The following PCDHA1 variants were observed in gnomAD, a reference collection of about 807,000 sequenced individuals.
PCDHA1 encodes the protein protocadherin alpha 1.
PCDHA1 carries 42 observed loss-of-function variants against 61.3 expected under a neutral mutation model. The observed-to-expected ratio is 0.69, with a 90% confidence interval of 0.54 to 0.89. PCDHA1 has a LOEUF of 0.89. PCDHA1 is among the 40% of genes least tolerant of loss of function. PCDHA1 has a pLI of 0.00. For synonymous variants in PCDHA1, 610 were observed against 553.8 expected (o/e 1.10, Z -1.43); for missense variants, 1,256 against 1,235.3 (o/e 1.02, Z -0.25).
intron 1 of PCDHA1, chr5:140,883,940 G>T: frequency 6.2e-7 from 1 of 1,613,412 alleles, no homozygotes; most frequent in Non-Finnish European, 8.5e-7. Flanking sequence ...CGTGCTGGAC[G>T]AGAACGACAA....
intron 3 of PCDHA1, among the ~76,000 whole-genome samples, chr5:141,007,300 T>C (rs185284872): frequency 6.6e-6 from 1 of 151,058 alleles, no homozygotes; most frequent in Admixed American, 6.6e-5. Context: ...CCTGTAATCT[T>C]AGCATTTTGG....
At chr5:140,823,776 G>A (rs1013042375) in intron 1 of PCDHA1, 3 of 1,613,732 alleles carry the variant, frequency 1.9e-6, no homozygotes, top group Non-Finnish European at 2.5e-6. Flanking sequence ...TGCTGGTGTC[G>A]CTGGTGGAAA....
chr5:140,938,463 T>C (rs1399110046), intron 1 of PCDHA1, among the ~76,000 whole-genome samples: 1 of 152,216 alleles, frequency 6.6e-6, no homozygotes, highest in Non-Finnish European at 1.5e-5. Flanking sequence ...GTTTTTTAAT[T>C]TATTATGTTT....
intron 1 of PCDHA1, chr5:140,968,207 A>C: frequency 6.2e-7 from 1 of 1,614,000 alleles, no homozygotes; most frequent in Non-Finnish European, 8.5e-7. Context: ...CATACAGGAG[A>C]ACAATTTGCC....
At chr5:140,843,577 A>T in intron 1 of PCDHA1, 1 of 1,595,954 alleles carries the variant, frequency 6.3e-7, no homozygotes. Context: ...CATACTCGCA[A>T]CAACAGCCGC....
At chr5:140,822,552 A>G (rs2150117268) in intron 1 of PCDHA1, 1 of 1,613,382 alleles carries the variant, frequency 6.2e-7, no homozygotes, top group Non-Finnish European at 8.5e-7. Context: ...GTGGGACATT[A>G]GTTATTAAAC....
chr5:140,970,193 G>C (rs1243334467), intron 1 of PCDHA1, among the ~76,000 whole-genome samples: 2 of 152,166 alleles, frequency 1.3e-5, no homozygotes, highest in African/African-American at 4.8e-5. Context: ...ATTGTAAGAG[G>C]ATTTCCCTGA....
chr5:140,796,534 G>A (rs1581620917), intron 1 of PCDHA1: 2 of 1,612,788 alleles, frequency 1.2e-6, no homozygotes, highest in African/African-American at 1.3e-5. Context: ...GCAGCCGCTG[G>A]ACCACGAGGA....
rs2150114188 is a variant in PCDHA1, at chr5:140,822,162, G to T, written c.2394+33478G>T. The T allele has an allele frequency of 7.4e-6, 12 of 1,614,112 alleles. No individual in the cohort carries two copies. In the East Asian group the frequency reaches 2.4e-4, roughly 33 times the overall value. On this transcript the variant is annotated intron_variant, in intron 1 of 3. Coordinates refer to ENST00000504120, the MANE Select transcript of PCDHA1 (RefSeq NM_018900.4). ...CAGTGAAGGACATCAATGACAATCC[G>T]CCCAGGTTCTCCAGACAAGAACAAA... is the stretch of plus-strand genomic sequence containing the variant.
intron 1 of PCDHA1, chr5:140,930,231 A>C (rs1234850185): frequency 6.6e-6 from 1 of 152,238 alleles, no homozygotes; most frequent in South Asian, 2.1e-4. Context: ...TGCACTTACC[A>C]TCCAAAGTCC....
chr5:140,858,262 G>A lies in PCDHA1; in HGVS notation c.2394+69578G>A. On this transcript the variant is annotated intron_variant, in intron 1 of 3. Coordinates refer to ENST00000504120, the MANE Select transcript of PCDHA1 (RefSeq NM_018900.4). Reference sequence around the variant, plus strand: ...GTGGGCCGGTGAAGCCCACGCTGGTGTGCTCTAGCGCGGTGGGGAGCTGGT... The same window carrying A: ...GTGGGCCGGTGAAGCCCACGCTGGTATGCTCTAGCGCGGTGGGGAGCTGGT... 2 of 1,597,236 alleles carry A rather than the reference G, an allele frequency of 1.3e-6. 1 individual carries two copies.
chr5:140,876,408 G>C (rs781814727), intron 1 of PCDHA1: 1 of 1,613,942 alleles, frequency 6.2e-7, no homozygotes, highest in South Asian at 1.1e-5. Flanking sequence ...ATTTTGAAGA[G>C]AATAATGCCT....
Position 140,792,011 on chromosome 5 carries a change from T to C in PCDHA1, c.2394+3327T>C, listed in dbSNP as rs149505237. ...ACAAATTACCACAGACTTGGTGGCTTGAAATAACAGAAATTTATTTTCTTA... is the reference window on the plus strand; with the variant it reads ...ACAAATTACCACAGACTTGGTGGCTCGAAATAACAGAAATTTATTTTCTTA... On this transcript the variant is annotated intron_variant, in intron 1 of 3. Coordinates refer to ENST00000504120, the MANE Select transcript of PCDHA1 (RefSeq NM_018900.4). Among the ~76,000 whole-genome samples, 821 of 152,282 alleles carry C rather than the reference T, an allele frequency of 5.4e-3. 6 individuals are homozygous for C. Among genetic ancestry groups the C allele is most frequent in the African/African-American group, 0.019 (790 of 41,562 alleles).
intron 1 of PCDHA1, chr5:140,797,402 A>T (rs1554120426): frequency 3.2e-6 from 5 of 1,547,410 alleles, no homozygotes; most frequent in Admixed American, 3.5e-5. Context: ...CTTTTTAAAA[A>T]ATTCTATATG....
At chr5:140,808,476 G>C (rs1554124581) in intron 1 of PCDHA1, 1 of 1,614,058 alleles carries the variant, frequency 6.2e-7, no homozygotes, top group Non-Finnish European at 8.5e-7. Context: ...GCGCGAGACG[G>C]GGGCTCGCCT....
chr5:140,837,979 T>G (rs1775353810), intron 1 of PCDHA1, among the ~76,000 whole-genome samples: 1 of 151,792 alleles, frequency 6.6e-6, no homozygotes, highest in Non-Finnish European at 1.5e-5. Flanking sequence ...ACACCCAGCC[T>G]GCCTTTCATC....
chr5:140,794,741 A>C, intron 1 of PCDHA1: 1 of 507,136 alleles, frequency 2.0e-6, no homozygotes, highest in South Asian at 4.6e-5. Flanking sequence ...CAGAAAATCG[A>C]CTAGTTTTAA....
At chr5:141,001,122 TAAAC>T (rs1274933487) in intron 3 of PCDHA1, among the ~76,000 whole-genome samples, 1 of 152,154 alleles carries the variant, frequency 6.6e-6, no homozygotes, top group African/African-American at 2.4e-5. Flanking sequence ...CAATAGTCCT[TAAAC>T]AAATGAATCT....
At chr5:140,892,504 G>A (rs2063551551) in intron 1 of PCDHA1, among the ~76,000 whole-genome samples, 1 of 152,176 alleles carries the variant, frequency 6.6e-6, no homozygotes, top group Non-Finnish European at 1.5e-5. Context: ...TGTTTAAGAA[G>A]TTCCACCATG....
Sources: gnomAD v4.1 joint callset for allele counts (sites outside exome capture counted in the v4.1 genomes callset) on GRCh38, gnomAD v4.1.1 for gene constraint, MANE v1.5 for transcripts, NCBI Gene and HGNC (gene_info 2026-07-23, HGNC 2026-07-21) for gene names.